The following FGF12 variants were observed in gnomAD, a reference collection of about 807,000 sequenced individuals.
FGF12 encodes the protein fibroblast growth factor 12B.
In FGF12, 14 loss-of-function variants were observed where a neutral mutation model predicts 23.6. That is an observed-to-expected ratio of 0.59 (90% CI 0.39 to 0.93). The LOEUF (loss-of-function observed/expected upper bound fraction) is 0.93. Among genes scored for constraint, FGF12 ranks in the 40% least tolerant of loss-of-function variants. The pLI is 0.00. For missense variants in FGF12, 175 were observed against 217.8 expected, an observed-to-expected ratio of 0.80 and a Z score of 1.24; for synonymous variants, 62 against 77.3, an observed-to-expected ratio of 0.80 and a Z score of 1.04.
intron 2 of FGF12, among the ~76,000 whole-genome samples, chr3:192,610,872 C>T (rs1028560866): frequency 1.3e-5 from 2 of 152,042 alleles, no homozygotes; most frequent in African/African-American, 4.8e-5. Flanking sequence ...ATTCCTTCAC[C>T]TCATTCCATT....
intron 4 of FGF12, among the ~76,000 whole-genome samples, chr3:192,181,971 A>G (rs1184134122): frequency 6.6e-6 from 1 of 151,600 alleles, no homozygotes; most frequent in African/African-American, 2.4e-5. Context: ...TATCTCAATG[A>G]AAAAAAAGAA....
chr3:192,216,312 AC>A (rs1364138222), intron 4 of FGF12, among the ~76,000 whole-genome samples: 1 of 151,992 alleles, frequency 6.6e-6, no homozygotes. Flanking sequence ...TTTGTTATCT[AC>A]CCCCTGGTAA....
At chr3:192,361,950 T>C (rs1322411286) in intron 2 of FGF12, among the ~76,000 whole-genome samples, 1 of 152,226 alleles carries the variant, frequency 6.6e-6, no homozygotes, top group Non-Finnish European at 1.5e-5. Flanking sequence ...GTATTCTAAT[T>C]AATAGATATG....
At position 192,223,327 on chromosome 3, in the gene FGF12, T is replaced by G. The variant is rs1718566949; in HGVS notation, c.229-52671A>C. ...TAACAAGTAAATATCAGTGCATAGC[T>G]ACTGTCACATTTGAGTTTTTCTTCC... On this transcript the variant is annotated intron_variant, in intron 4 of 5. Transcript: ENST00000445105. Among the ~76,000 whole-genome samples, 10 of 152,196 alleles carry G rather than the reference T, an allele frequency of 6.6e-5. 1 individual carries two copies. Among genetic ancestry groups the G allele is most frequent in the Admixed American group, 6.6e-4 (10 of 15,266 alleles).
chr3:192,658,288 G>A (rs1716522632), intron 2 of FGF12, among the ~76,000 whole-genome samples: 1 of 152,218 alleles, frequency 6.6e-6, no homozygotes, highest in Admixed American at 6.5e-5. Flanking sequence ...TACTGAACCT[G>A]CCAGTGGTCA....
intron 4 of FGF12, among the ~76,000 whole-genome samples, chr3:192,254,613 A>G (rs910367943): frequency 1.3e-5 from 2 of 152,168 alleles, no homozygotes; most frequent in Middle Eastern, 3.4e-3. Flanking sequence ...TGGACTACTA[A>G]TAATCTGTAA....
intron 5 of FGF12, among the ~76,000 whole-genome samples, chr3:192,158,414 TC>T (rs1714627800): frequency 6.5e-4 from 3 of 4,590 alleles, no homozygotes; most frequent in Admixed American, 3.7e-3. Context: ...TTTCTTTCTT[TC>T]TCTTTCTTTT....
intron 4 of FGF12, among the ~76,000 whole-genome samples, chr3:192,252,462 CAAAAAAAAAAAAAA>C (rs56920518): frequency 4.0e-4 from 11 of 27,494 alleles, no homozygotes; most frequent in East Asian, 1.6e-3. Flanking sequence ...GAATCTGTCT[CAAAAAAAAAAAAAA>C]AAAAAAAAAA....
At chr3:192,358,187 G>A (rs138211458) in intron 3 of FGF12, among the ~76,000 whole-genome samples, 1 of 151,756 alleles carries the variant, frequency 6.6e-6, no homozygotes, top group East Asian at 1.9e-4. Flanking sequence ...AAAATTCCAG[G>A]GAGTTATTAT....
chr3:192,179,428 T>C (rs375571597), intron 4 of FGF12, among the ~76,000 whole-genome samples: 1 of 152,164 alleles, frequency 6.6e-6, no homozygotes, highest in Admixed American at 6.6e-5. Flanking sequence ...TGGAGGTAGA[T>C]GGACACAACT....
At chr3:192,150,897 T>C (rs2108586494) in intron 5 of FGF12, among the ~76,000 whole-genome samples, 1 of 141,318 alleles carries the variant, frequency 7.1e-6, no homozygotes, top group African/African-American at 2.6e-5. Flanking sequence ...ATCTGTAAAT[T>C]ACCTTGGGCA....
At chr3:192,185,817 C>G (rs1308114971) in intron 4 of FGF12, among the ~76,000 whole-genome samples, 1 of 151,400 alleles carries the variant, frequency 6.6e-6, no homozygotes, top group Non-Finnish European at 1.5e-5. Flanking sequence ...CAAGATCGCA[C>G]CACTGCACTT....
intron 4 of FGF12, among the ~76,000 whole-genome samples, chr3:192,302,962 T>A (rs1014772287): frequency 2.6e-5 from 4 of 152,208 alleles, no homozygotes; most frequent in African/African-American, 9.6e-5. Context: ...ACATGGGAAG[T>A]CATCCAAATC....
chr3:192,474,398 G>A (rs1370740222), intron 2 of FGF12, among the ~76,000 whole-genome samples: 2 of 152,088 alleles, frequency 1.3e-5, no homozygotes, highest in Non-Finnish European at 2.9e-5. Flanking sequence ...ACAAGTTTAA[G>A]CACATAACCC....
At chr3:192,553,212 A>G (rs922272088) in intron 2 of FGF12, among the ~76,000 whole-genome samples, 4 of 152,154 alleles carry the variant, frequency 2.6e-5, no homozygotes, top group South Asian at 2.1e-4. Flanking sequence ...ATCTATATAA[A>G]GAAACTATTT....
intron 2 of FGF12, among the ~76,000 whole-genome samples, chr3:192,719,431 G>A (rs1055332029): frequency 6.6e-5 from 10 of 152,050 alleles, no homozygotes; most frequent in Admixed American, 2.6e-4. Context: ...TTTTTATGCT[G>A]ATGCAAATCA....
chr3:192,582,195 T>C lies in FGF12; in HGVS notation c.13+144986A>G, dbSNP rs180863390. 2.5e-3 allele frequency among the ~76,000 whole-genome samples: 374 copies of C among 152,358 alleles called. 1 individual carries two copies. The highest frequency in any genetic ancestry group is 3.9e-3 in the Non-Finnish European group (264 of 68,032). Reference sequence around the variant, plus strand: ...AGTTTTAAACTTTCAAAAATAATTGTGGCTGTGTATTTAGAATCTCTATAA... The same window carrying C: ...AGTTTTAAACTTTCAAAAATAATTGCGGCTGTGTATTTAGAATCTCTATAA... On this transcript the variant is annotated intron_variant, in intron 2 of 5. Coordinates refer to ENST00000445105, the MANE Select transcript of FGF12 (RefSeq NM_004113.6).
At chr3:192,441,930 G>A (rs767161386) in intron 2 of FGF12, among the ~76,000 whole-genome samples, 5 of 152,200 alleles carry the variant, frequency 3.3e-5, no homozygotes, top group Non-Finnish European at 7.3e-5. Flanking sequence ...TATAGCTTAA[G>A]TTTCCCTTAG....
intron 4 of FGF12, among the ~76,000 whole-genome samples, chr3:192,239,271 G>A (rs1394220879): frequency 6.6e-6 from 1 of 152,118 alleles, no homozygotes; most frequent in Non-Finnish European, 1.5e-5. Flanking sequence ...AAAATCCATG[G>A]AAACTTGTCC....
Sources: allele counts gnomAD v4.1 joint callset (sites outside exome capture counted in the v4.1 genomes callset), GRCh38; gene constraint gnomAD v4.1.1; transcripts MANE v1.5; gene names NCBI Gene and HGNC (gene_info 2026-07-23, HGNC 2026-07-21).